ANKMY1: variants seen among roughly 807,000 people sequenced by gnomAD.
The protein encoded by ANKMY1 is ankyrin repeat and MYND domain containing 1, also known as ankyrin repeat and MYND domain-containing protein 1.
Under a neutral mutation model 102.0 loss-of-function variants are expected in ANKMY1, and 98 were observed. That is an observed-to-expected ratio of 0.96 (90% CI 0.82 to 1.14). The LOEUF (loss-of-function observed/expected upper bound fraction) is 1.14. ANKMY1 is among the 50% of genes most tolerant of loss of function. The pLI, the probability that ANKMY1 is intolerant of heterozygous loss-of-function variation, is 0.00. For missense variants in ANKMY1, 1,330 were observed against 1,347.6 expected (o/e 0.99, Z 0.20); for synonymous variants, 582 against 559.9 (o/e 1.04, Z -0.56).
intron 4 of ANKMY1, among the ~76,000 whole-genome samples, chr2:240,552,123 G>T (rs1007196576): frequency 6.6e-6 from 1 of 152,154 alleles, no homozygotes; most frequent in Admixed American, 6.5e-5. Context: ...TCAGGGGGAT[G>T]GATTTGAGAT....
At position 240,507,612 on chromosome 2, in the gene ANKMY1, G is replaced by A. The variant is rs2079323181; in HGVS notation, c.2474C>T (p.Ala825Val). The A allele has an allele frequency of 6.2e-7, 1 of 1,611,634 alleles. No homozygotes were observed. Among genetic ancestry groups the A allele is most frequent in the Non-Finnish European group, 8.5e-7 (1 of 1,178,850 alleles). ...TKGLGSALCV[A>V]CDLTYEHQRN... ...CTGGTGCTCGTAGGTCAGGTCACAG[G>A]CAACACACAGGGCACTGCCCAAGCC... is the stretch of plus-strand genomic sequence containing the variant. Residue 825 changes from alanine (A) to valine (V), a missense_variant, in exon 13 of 18, where the codon GCC becomes GTC. Ala to Val is a moderately conservative substitution (Grantham distance 64, BLOSUM62 0). Coordinates refer to ENST00000401804, the MANE Select transcript of ANKMY1 (RefSeq NM_001282771.3).
chr2:240,492,076 T>C (rs561494172), intron 15 of ANKMY1, among the ~76,000 whole-genome samples: 3 of 151,840 alleles, frequency 2.0e-5, no homozygotes, highest in Admixed American at 2.0e-4. Flanking sequence ...AGTGGCACAA[T>C]CCTAGCTCAC....
chr2:240,522,023 G>A (rs2082391558), intron 8 of ANKMY1: 1 of 152,234 alleles, frequency 6.6e-6, no homozygotes, highest in African/African-American at 2.4e-5. Context: ...GTCGCTGCAG[G>A]CTGGTGGGGA....
chr2:240,473,703 G>C, the ANKMY1 span, among the ~76,000 whole-genome samples: 3 of 152,028 alleles, frequency 2.0e-5, no homozygotes, highest in Non-Finnish European at 4.4e-5. Context: ...GTTGATGCAA[G>C]GTTCAACATA....
intron 5 of ANKMY1, among the ~76,000 whole-genome samples, 154 bp downstream of exon 5, chr2:240,528,883 T>C (rs2084545054): frequency 6.6e-6 from 1 of 152,118 alleles, no homozygotes; most frequent in African/African-American, 2.4e-5. Flanking sequence ...CCTCCCTTCA[T>C]TATCGCCCAC....
intron 13 of ANKMY1, among the ~76,000 whole-genome samples, chr2:240,502,560 C>A (rs1302074522): frequency 6.6e-6 from 1 of 151,870 alleles, no homozygotes; most frequent in Non-Finnish European, 1.5e-5. Flanking sequence ...GGTCCCATGT[C>A]CTCACCCCTT....
In ANKMY1 at chr2:240,512,921, G is replaced by A; in HGVS notation, c.2026C>T (p.His676Tyr). The change falls in exon 10 of 18, where the codon CAC becomes TAC. Residue 676 changes from histidine (H) to tyrosine (Y), a missense_variant. By Grantham distance (83) the His-to-Tyr change is moderately conservative (BLOSUM62 2). Coordinates refer to ENST00000401804, the MANE Select transcript of ANKMY1 (RefSeq NM_001282771.3). ...PPQLSTLTPL[H>Y]IAAALPGEEG... ...TCCCCAGGAAGGGCGGCAGCGATGT[G>A]GAGTGGTGTCAGGGTGCTCAGCTGC... 1 of 1,613,768 alleles carries A rather than the reference G, an allele frequency of 6.2e-7. No individual in the cohort carries two copies. The highest frequency in any genetic ancestry group is 8.5e-7 in the Non-Finnish European group (1 of 1,179,874).
Position 240,499,990 on chromosome 2 carries a change from C to T in ANKMY1, c.2774G>A (p.Trp925Ter). Residue 925 changes from tryptophan (W) to a stop codon, truncating the protein, a stop_gained, in exon 15 of 18, where the codon TGG becomes TAG. Coordinates refer to ENST00000401804, the MANE Select transcript of ANKMY1 (RefSeq NM_001282771.3). LOFTEE classifies it high-confidence loss of function. This position sits in a 1 kb window ranked among gnomAD's most constrained non-coding sequence, Gnocchi z 4.2. ...RQAVFAKESQWDPTWLYLCKR... is the reference protein window; with the variant it reads ...RQAVFAKESQ ...GCACAGGTACAGCCACGTGGGGTCC[C>T]ACTGGCTCTCCTTGGCAAAGACAGC... is the stretch of plus-strand genomic sequence containing the variant. The T allele has an allele frequency of 6.2e-7, 1 of 1,612,918 alleles. No individual in the cohort carries two copies.
At chr2:240,494,196 G>A (rs915010764) in intron 15 of ANKMY1, among the ~76,000 whole-genome samples, 1 of 152,148 alleles carries the variant, frequency 6.6e-6, no homozygotes, top group Admixed American at 6.5e-5. Context: ...GTGATCTTCA[G>A]GCAGGTGGAG....
At chr2:240,547,978 A>C (rs2090760178) in intron 4 of ANKMY1, among the ~76,000 whole-genome samples, 1 of 152,262 alleles carries the variant, frequency 6.6e-6, no homozygotes, top group Non-Finnish European at 1.5e-5. Context: ...ATTCGAATCA[A>C]TAAAAAAAGA....
rs2152037896 is a variant in ANKMY1 at position 240,500,522 on chromosome 2, A to T, written c.2570T>A (p.Val857Glu). ...CTCCTTTTCTCCCTGCCTGAGCATTACAGGCTTCAGGATGTCGGCCCCGTG... is the reference window on the plus strand; with the variant it reads ...CTCCTTTTCTCCCTGCCTGAGCATTTCAGGCTTCAGGATGTCGGCCCCGTG... ...ISHGADILKPVMLRQGEKEAV... is the reference protein window; with the variant it reads ...ISHGADILKPEMLRQGEKEAV... The change falls in exon 14 of 18, where the codon GTA becomes GAA. Residue 857 changes from valine (V) to glutamate (E), a missense_variant. Physicochemically the swap from Val to Glu is moderately radical, Grantham distance 121 (BLOSUM62 -2). Coordinates refer to ENST00000401804, the MANE Select transcript of ANKMY1 (RefSeq NM_001282771.3). The T allele has an allele frequency of 6.2e-7, 1 of 1,614,140 alleles. No individual in the cohort carries two copies. The highest frequency in any genetic ancestry group is 8.5e-7 in the Non-Finnish European group (1 of 1,179,998).
At position 240,520,276 on chromosome 2, in the gene ANKMY1, C is replaced by T. The variant is rs927839958; in HGVS notation, c.2004+86G>A. The T allele has an allele frequency of 8.7e-6, 13 of 1,490,268 alleles. No homozygotes were observed. The highest frequency in any genetic ancestry group is 9.9e-6 in the Non-Finnish European group (11 of 1,110,562). The allele number at this position is 1,490,268 out of a possible 1,614,324, so 92.3% of individuals were successfully genotyped here. On this transcript the variant is annotated intron_variant, in intron 9 of 17. Coordinates refer to ENST00000401804, the MANE Select transcript of ANKMY1 (RefSeq NM_001282771.3). This position sits in a 1 kb window ranked among gnomAD's most constrained non-coding sequence, Gnocchi z 4.8. The stretch of plus-strand genomic sequence containing the variant: ...CCTGCAAGAGCCCACCCCTCTCTTC[C>T]GCGCCTAGGTGGAGCGAGGAGCTTC...
At position 240,512,925 on chromosome 2, in the gene ANKMY1, T is replaced by A. The variant is rs1382787617; in HGVS notation, c.2022A>T (p.Pro674=). 2 of 1,612,514 alleles carry A rather than the reference T, an allele frequency of 1.2e-6. No homozygotes were observed. Among genetic ancestry groups the A allele is most frequent in the Admixed American group, 3.3e-5 (2 of 59,860 alleles). The stretch of plus-strand genomic sequence containing the variant: ...CAGGAAGGGCGGCAGCGATGTGGAG[T>A]GGTGTCAGGGTGCTCAGCTGCAGAG... ...CFPPQLSTLT[P]LHIAAALPGE... The change falls in exon 10 of 18, where the codon CCA becomes CCT. Residue 674 remains proline (P), a synonymous_variant. Transcript: ENST00000401804.
rs142836218 is a variant in ANKMY1, at chr2:240,499,986, G to A, written c.2778C>T (p.Asp926=). 196 of 1,612,812 alleles carry A rather than the reference G, an allele frequency of 1.2e-4. No individual in the cohort carries two copies. The highest frequency in any genetic ancestry group is 1.6e-4 in the Non-Finnish European group (188 of 1,179,798). Residue 926 remains aspartate (D), a synonymous_variant, in exon 15 of 18, where the codon GAC becomes GAT. Coordinates refer to ENST00000401804, the MANE Select transcript of ANKMY1 (RefSeq NM_001282771.3). The surrounding 1 kb of genome is among the most constrained non-coding windows in gnomAD (Gnocchi z 4.2). Reference sequence around the variant, plus strand: ...TCTTGCACAGGTACAGCCACGTGGGGTCCCACTGGCTCTCCTTGGCAAAGA... The same window carrying A: ...TCTTGCACAGGTACAGCCACGTGGGATCCCACTGGCTCTCCTTGGCAAAGA... ...QAVFAKESQW[D]PTWLYLCKRA...
downstream of ANKMY1, among the ~76,000 whole-genome samples, chr2:240,476,784 C>T (rs568905681): frequency 6.6e-6 from 1 of 152,186 alleles, no homozygotes; most frequent in Non-Finnish European, 1.5e-5. Flanking sequence ...TTCATTAAAA[C>T]GGTGGTGAGA....
At chr2:240,552,639 T>C (rs1575368587) in intron 4 of ANKMY1, 2 of 449,796 alleles carry the variant, frequency 4.4e-6, no homozygotes, top group Admixed American at 7.0e-5. Context: ...ATGTGTACAG[T>C]GATCCAGTTT....
At position 240,499,825 on chromosome 2, in the gene ANKMY1, A is replaced by G. The variant is rs2077855241; in HGVS notation, c.2806+133T>C. The G allele has an allele frequency of 8.4e-7, 1 of 1,194,008 alleles. No homozygotes were observed. The highest frequency in any genetic ancestry group is 2.8e-5 in the Admixed American group (1 of 35,318). The allele number at this position is 1,194,008 out of a possible 1,614,324, so 74.0% of individuals were successfully genotyped here. ...TTGGACGACGGGACACAAAGGGGAC[A>G]AGCCGACGAGCCCAGCCCCAGGAAG... On this transcript the variant is annotated intron_variant, in intron 15 of 17. Transcript: ENST00000401804. The surrounding 1 kb of genome is among the most constrained non-coding windows in gnomAD (Gnocchi z 4.2).
chr2:240,511,703 C>T (rs1483230774), intron 11 of ANKMY1, among the ~76,000 whole-genome samples, 158 bp downstream of exon 11: 1 of 152,242 alleles, frequency 6.6e-6, no homozygotes, highest in Non-Finnish European at 1.5e-5. Flanking sequence ...AAATCCCGTC[C>T]TCCCGCCTTG....
At chr2:240,502,353 G>A (rs1296359163) in intron 13 of ANKMY1, among the ~76,000 whole-genome samples, 1 of 151,822 alleles carries the variant, frequency 6.6e-6, no homozygotes, top group Non-Finnish European at 1.5e-5. Context: ...CACCCTGCTG[G>A]GCACCTTCTC....
Sources: gnomAD v4.1 joint callset for allele counts (sites outside exome capture counted in the v4.1 genomes callset) on GRCh38, gnomAD v4.1.1 for gene constraint, Gnocchi (gnomAD v3.1) non-coding constraint, MANE v1.5 for transcripts, NCBI Gene and HGNC (gene_info 2026-07-23, HGNC 2026-07-21) for gene names.